The following PTPRN2 variants were observed in gnomAD, a reference collection of about 807,000 sequenced individuals.
PTPRN2 encodes the protein receptor-type tyrosine-protein phosphatase N2.
PTPRN2 carries 74 observed loss-of-function variants against 118.8 expected under a neutral mutation model. That is an observed-to-expected ratio of 0.62 (90% CI 0.52 to 0.76). The LOEUF (loss-of-function observed/expected upper bound fraction) is 0.76, where lower values mean the gene tolerates loss of function less well. PTPRN2 is among the 30% of genes least tolerant of loss of function. The pLI is 0.00. For synonymous variants in PTPRN2, 641 were observed against 608.0 expected (o/e 1.05, Z -0.80); for missense variants, 1,481 against 1,394.4 (o/e 1.06, Z -0.99).
intron 12 of PTPRN2, among the ~76,000 whole-genome samples, chr7:157,793,793 C>G (rs1804677858): frequency 6.6e-6 from 1 of 152,196 alleles, no homozygotes; most frequent in Non-Finnish European, 1.5e-5. Flanking sequence ...AGGGGTGTTT[C>G]TGTCCCCTTC....
At chr7:158,329,716 G>A (rs896907778) in intron 2 of PTPRN2, among the ~76,000 whole-genome samples, 4 of 152,148 alleles carry the variant, frequency 2.6e-5, no homozygotes, top group Non-Finnish European at 5.9e-5. Context: ...TCCCATTGAC[G>A]CCATGTGGAA....
rs1013453307 is a variant in PTPRN2, at chr7:158,078,710, C to T, written c.1723+2588G>A. Among the ~76,000 whole-genome samples, 8 of 152,292 alleles carry T rather than the reference C, an allele frequency of 5.3e-5. No individual in the cohort carries two copies. The South Asian group carries it at 6.2e-4, about 12-fold the overall frequency. On this transcript the variant is annotated intron_variant, in intron 11 of 22. Coordinates refer to ENST00000389418, the MANE Select transcript of PTPRN2 (RefSeq NM_002847.5). ...TAAGCACTCTCCCAAGGCCAATGGG[C>T]GAGTCACCAGTCACCAACCGTGCTA...
intron 11 of PTPRN2, among the ~76,000 whole-genome samples, chr7:158,036,983 T>C (rs570940891): frequency 6.6e-6 from 1 of 152,254 alleles, no homozygotes; most frequent in African/African-American, 2.4e-5. Context: ...ACATGGACAA[T>C]CTAAGAGAAC....
At chr7:157,963,412 T>C (rs1801681891) in intron 11 of PTPRN2, among the ~76,000 whole-genome samples, 1 of 152,254 alleles carries the variant, frequency 6.6e-6, no homozygotes, top group Non-Finnish European at 1.5e-5. Flanking sequence ...AGGACTAAAA[T>C]AACTAAGAAT....
chr7:158,448,012 C>T (rs950141804), intron 2 of PTPRN2, among the ~76,000 whole-genome samples: 2 of 152,232 alleles, frequency 1.3e-5, no homozygotes, highest in Admixed American at 6.5e-5. Flanking sequence ...GGCCAGGTGC[C>T]GACTCAGCAG....
At chr7:158,044,135 T>G (rs1808672451) in intron 11 of PTPRN2, among the ~76,000 whole-genome samples, 1 of 152,202 alleles carries the variant, frequency 6.6e-6, no homozygotes, top group Admixed American at 6.5e-5. Context: ...AAATTTAGAA[T>G]AGCTTTATCT....
chr7:158,073,410 G>C (rs80304421), intron 11 of PTPRN2, among the ~76,000 whole-genome samples: 1 of 152,268 alleles, frequency 6.6e-6, no homozygotes, highest in East Asian at 1.9e-4. Flanking sequence ...CTTCAGGGCC[G>C]CACTGGCCTC....
chr7:158,238,669 C>T (rs952067386), intron 3 of PTPRN2, among the ~76,000 whole-genome samples: 8 of 152,144 alleles, frequency 5.3e-5, no homozygotes, highest in Middle Eastern at 3.2e-3. Flanking sequence ...AAGCACGGGT[C>T]GCAGCTCCAC....
At chr7:158,452,137 C>G (rs1429153434) in intron 2 of PTPRN2, among the ~76,000 whole-genome samples, 1 of 152,206 alleles carries the variant, frequency 6.6e-6, no homozygotes, top group Non-Finnish European at 1.5e-5. Context: ...GTCTGTTCCC[C>G]ACTCTGGCTT....
rs893919081 is a variant in PTPRN2 at position 157,608,335 on chromosome 7, T to C, written c.2345-4260A>G. ...CACCTGCCTCGGCCTCCCAAAGTGCTGGGATTACAGGCATGAGCCACTGTG... is the reference window on the plus strand; with the variant it reads ...CACCTGCCTCGGCCTCCCAAAGTGCCGGGATTACAGGCATGAGCCACTGTG... On this transcript the variant is annotated intron_variant, in intron 15 of 22. Coordinates refer to ENST00000389418, the MANE Select transcript of PTPRN2 (RefSeq NM_002847.5). Among the ~76,000 whole-genome samples the C allele has an allele frequency of 9.8e-5, 15 of 152,300 alleles. No individual in the cohort carries two copies. In the South Asian group the frequency reaches 3.1e-3, roughly 32 times the overall value.
At position 158,055,908 on chromosome 7, in the gene PTPRN2, C is replaced by T. The variant is rs527949411; in HGVS notation, c.1723+25390G>A. Among the ~76,000 whole-genome samples the T allele has an allele frequency of 7.9e-5, 12 of 152,242 alleles. No homozygotes were observed. In the East Asian group the frequency reaches 1.2e-3, roughly 15 times the overall value. On this transcript the variant is annotated intron_variant, in intron 11 of 22. Transcript: ENST00000389418. ...TTGTGTCTTTATTTCTATGATCTCTCGTCTCCACACACGGGGAGAAAAACC... is the reference window on the plus strand; with the variant it reads ...TTGTGTCTTTATTTCTATGATCTCTTGTCTCCACACACGGGGAGAAAAACC...
chr7:158,569,684 G>T (rs530302007), intron 1 of PTPRN2, among the ~76,000 whole-genome samples: 9 of 150,772 alleles, frequency 6.0e-5, no homozygotes, highest in African/African-American at 2.0e-4. Flanking sequence ...AGGAACGCGG[G>T]GCGCGAGGCC....
chr7:158,071,487 G>GTGA (rs1563391620), intron 11 of PTPRN2, among the ~76,000 whole-genome samples: 1 of 136,410 alleles, frequency 7.3e-6, no homozygotes, highest in African/African-American at 3.1e-5. Context: ...GGTTCTCATG[G>GTGA]TGCAGGTGCT....
intron 6 of PTPRN2, among the ~76,000 whole-genome samples, chr7:158,145,468 T>A (rs1364551184): frequency 6.6e-6 from 1 of 152,176 alleles, no homozygotes; most frequent in Non-Finnish European, 1.5e-5. Flanking sequence ...AGAGAGCAGC[T>A]GGGAATGTAG....
intron 12 of PTPRN2, among the ~76,000 whole-genome samples, chr7:157,768,964 C>T (rs1189523615): frequency 3.3e-5 from 5 of 152,188 alleles, no homozygotes; most frequent in African/African-American, 1.2e-4. Context: ...TTTGTCAACA[C>T]ATAATTACTG....
chr7:158,094,332 C>T (rs1307799990), intron 10 of PTPRN2, among the ~76,000 whole-genome samples: 7 of 152,096 alleles, frequency 4.6e-5, no homozygotes, highest in Admixed American at 1.3e-4. Flanking sequence ...TGTTTTCAGA[C>T]GGAGTCTCGC....
intron 12 of PTPRN2, among the ~76,000 whole-genome samples, chr7:157,718,412 A>G (rs545177925): frequency 6.6e-6 from 1 of 152,210 alleles, no homozygotes; most frequent in Non-Finnish European, 1.5e-5. Flanking sequence ...GGCTGGAGGC[A>G]CAGTCTGATT....
rs577967032 is a variant in PTPRN2 at position 158,574,874 on chromosome 7, G to A, written c.112+12684C>T. ...AGGATGTCGAACAACGTCCCTGTCC[G>A]CCATCCACCTAGTCCCAGCAGCAGA... On this transcript the variant is annotated intron_variant, in intron 1 of 22. Coordinates refer to ENST00000389418, the MANE Select transcript of PTPRN2 (RefSeq NM_002847.5). This position sits in a 1 kb window ranked among gnomAD's most constrained non-coding sequence, Gnocchi z 4.6. 3.9e-5 allele frequency among the ~76,000 whole-genome samples: 6 copies of A among 152,234 alleles called. No individual in the cohort carries two copies. Among genetic ancestry groups the A allele is most frequent in the East Asian group, 3.9e-4 (2 of 5,188 alleles).
chr7:157,902,682 C>T (rs1214038858), intron 11 of PTPRN2, among the ~76,000 whole-genome samples: 1 of 152,222 alleles, frequency 6.6e-6, no homozygotes, highest in Non-Finnish European at 1.5e-5. Context: ...ATTCTTTAAC[C>T]CATTGATCAC....
Sources: gnomAD v4.1 joint callset for allele counts (sites outside exome capture counted in the v4.1 genomes callset) on GRCh38, gnomAD v4.1.1 for gene constraint, Gnocchi (gnomAD v3.1) non-coding constraint, MANE v1.5 for transcripts, NCBI Gene and HGNC (gene_info 2026-07-23, HGNC 2026-07-21) for gene names.